The following DLGAP3 variants were observed in gnomAD, a reference collection of about 807,000 sequenced individuals.
DLGAP3 encodes the protein DLG associated protein 3.
A neutral mutation model predicts 81.2 loss-of-function variants in DLGAP3; 17 were observed. That is an observed-to-expected ratio of 0.21 (90% CI 0.14 to 0.31). The LOEUF (loss-of-function observed/expected upper bound fraction) is 0.31, where lower values mean the gene tolerates loss of function less well. Among genes scored for constraint, DLGAP3 ranks in the 10% least tolerant of loss-of-function variants. The probability of loss-of-function intolerance (pLI) is 1.00; values close to 1 mark genes in which losing one functional copy is unlikely to be tolerated. For missense variants in DLGAP3, 1,124 were observed against 1,388.0 expected (o/e 0.81, Z 3.02); for synonymous variants, 577 against 587.4 (o/e 0.98, Z 0.26).
intron 1 of DLGAP3, chr1:34,925,519 G>C (rs1639860375): frequency 6.6e-6 from 1 of 152,600 alleles, no homozygotes. Context: ...CACTGAGTGA[G>C]GGGAGGGGAG....
Position 34,895,220 on chromosome 1 carries a change from T to A in DLGAP3, c.1386+4449A>T, listed in dbSNP as rs1435544524. Among the ~76,000 whole-genome samples, 2 of 151,886 alleles carry A rather than the reference T, an allele frequency of 1.3e-5. No individual in the cohort carries two copies. The highest frequency in any genetic ancestry group is 2.9e-5 in the Non-Finnish European group (2 of 67,976). On this transcript the variant is annotated intron_variant, in intron 5 of 11. Coordinates refer to ENST00000373347, the MANE Select transcript of DLGAP3 (RefSeq NM_001080418.3). The surrounding 1 kb of genome is among the most constrained non-coding windows in gnomAD (Gnocchi z 4.5). ...GTCTGTACTAAAAATACAAAAAAATTAGCCAGGCGTGGTGGCGGGCGCCTG... is the reference window on the plus strand; with the variant it reads ...GTCTGTACTAAAAATACAAAAAAATAAGCCAGGCGTGGTGGCGGGCGCCTG...
chr1:34,885,544 G>T lies in DLGAP3; in HGVS notation c.1848C>A (p.Ile616=). 6.2e-7 allele frequency: 1 copy of T among 1,608,664 alleles called. No individual in the cohort carries two copies. Among genetic ancestry groups the T allele is most frequent in the Non-Finnish European group, 8.5e-7 (1 of 1,179,760 alleles). The change falls in exon 7 of 12, where the codon ATC becomes ATA. Residue 616 remains isoleucine, a synonymous_variant. Transcript: ENST00000373347. ...GGCTCCGCAGCTCCTCCCTGCCAGG[G>T]ATGGTCTTGATGATGAGTGTGGGGG... is the stretch of plus-strand genomic sequence containing the variant. The part of the protein sequence containing the change: ...PKPPTLIIKT[I]PGREELRSLA...
intron 6 of DLGAP3, 45 bp downstream of exon 6, chr1:34,886,027 G>A: frequency 6.5e-7 from 1 of 1,535,794 alleles, no homozygotes; most frequent in Non-Finnish European, 8.8e-7. Context: ...GACCCAGGGC[G>A]CTCTCCTGCC....
At chr1:34,910,332 C>T (rs1639619828) in intron 1 of DLGAP3, among the ~76,000 whole-genome samples, 2 of 152,242 alleles carry the variant, frequency 1.3e-5, no homozygotes, top group Admixed American at 1.3e-4. Flanking sequence ...GTCTGCACGT[C>T]TTCTCCTAAC....
At chr1:34,882,403 G>A (rs1009598401) in intron 8 of DLGAP3, among the ~76,000 whole-genome samples, 23 of 152,048 alleles carry the variant, frequency 1.5e-4, no homozygotes, top group African/African-American at 3.9e-4. Context: ...GCGTGAACCC[G>A]GGAGGCAGAG....
At position 34,904,426 on chromosome 1, in the gene DLGAP3, T is replaced by G; in HGVS notation, c.958A>C (p.Met320Leu). 6.2e-7 allele frequency: 1 copy of G among 1,614,102 alleles called. No individual in the cohort carries two copies. Among genetic ancestry groups the G allele is most frequent in the Non-Finnish European group, 8.5e-7 (1 of 1,180,022 alleles). Residue 320 changes from methionine to leucine, a missense_variant, in exon 3 of 12, where the codon ATG (methionine) becomes CTG (leucine). This residue lies in a region of DLGAP3 where 357 missense variants were observed against 408.8 expected (regional missense o/e 0.87). Transcript: ENST00000373347. The surrounding 1 kb of genome is among the most constrained non-coding windows in gnomAD (Gnocchi z 8.1). The stretch of plus-strand genomic sequence containing the variant: ...TTGACCGACTGTCCATCCAGTGACA[T>G]GGACATGCCAGTGCAGGCAAGGCAG... ...GRCLACTGMSMSLDGQSVKRS... is the reference protein window; with the variant it reads ...GRCLACTGMSLSLDGQSVKRS...
chr1:34,886,307 G>A lies in DLGAP3; in HGVS notation c.1387-22C>T, dbSNP rs1490117051. 2.6e-6 allele frequency: 4 copies of A among 1,551,890 alleles called. No individual in the cohort carries two copies. In the East Asian group the frequency reaches 7.2e-5, roughly 28 times the overall value. On this transcript the variant is annotated intron_variant, in intron 5 of 11. Coordinates refer to ENST00000373347, the MANE Select transcript of DLGAP3 (RefSeq NM_001080418.3). ...TGAGCTGGGGGGCAGGGGGTCGGGA[G>A]GACAGTTATAAGGTGCCGGGAGGGG...
intron 6 of DLGAP3, 58 bp downstream of exon 6, chr1:34,886,014 C>T: frequency 6.6e-7 from 1 of 1,511,184 alleles, no homozygotes; most frequent in African/African-American, 1.4e-5. Context: ...AGGCCAGAAC[C>T]CGGACCCAGG....
At chr1:34,878,047 G>A (rs988277931) in intron 8 of DLGAP3, among the ~76,000 whole-genome samples, 1 of 152,216 alleles carries the variant, frequency 6.6e-6, no homozygotes, top group African/African-American at 2.4e-5. Context: ...GCTCACTCCT[G>A]TAATCCCAAC....
intron 1 of DLGAP3, among the ~76,000 whole-genome samples, chr1:34,908,601 G>C (rs192978723): frequency 2.2e-4 from 34 of 152,332 alleles, no homozygotes; most frequent in Non-Finnish European, 2.6e-4. Flanking sequence ...TAGACACAGG[G>C]ATGTCAGGAA....
chr1:34,919,779 CAAAAG>C lies in DLGAP3; in HGVS notation c.-135+9667_-135+9671del, dbSNP rs57269571. Among the ~76,000 whole-genome samples the C allele has an allele frequency of 6.9e-4, 104 of 151,642 alleles. 1 individual carries two copies. Among genetic ancestry groups the C allele is most frequent in the African/African-American group, 2.0e-3 (84 of 41,062 alleles). ...TGGGTGACAGAGTGAGACCCCATCT[CAAAAG>C]AAAAGAAAAGAAAAGAACAAAAGTT... On this transcript the variant is annotated intron_variant, in intron 1 of 11. Coordinates refer to ENST00000373347, the MANE Select transcript of DLGAP3 (RefSeq NM_001080418.3).
chr1:34,885,344 A>C, intron 7 of DLGAP3, 134 bp downstream of exon 7: 1 of 1,021,196 alleles, frequency 9.8e-7, no homozygotes, highest in East Asian at 2.6e-5. Context: ...GTCGATGTCC[A>C]GGCACGGGGT....
In DLGAP3 at chr1:34,904,215, C is replaced by A; in HGVS notation, c.1107+62G>T. On this transcript the variant is annotated intron_variant, in intron 3 of 11. Transcript: ENST00000373347. The surrounding 1 kb of genome is among the most constrained non-coding windows in gnomAD (Gnocchi z 8.1). ...CTCCCACCCAACCCTTTCCACTGCTCCCTAGTTGACAAGACTGGTGAAGGC... is the reference window on the plus strand; with the variant it reads ...CTCCCACCCAACCCTTTCCACTGCTACCTAGTTGACAAGACTGGTGAAGGC... The A allele has an allele frequency of 6.3e-7, 1 of 1,591,048 alleles. No individual in the cohort carries two copies. Among genetic ancestry groups the A allele is most frequent in the Non-Finnish European group, 8.5e-7 (1 of 1,172,914 alleles).
intron 1 of DLGAP3, among the ~76,000 whole-genome samples, chr1:34,914,652 C>T (rs1041293424): frequency 3.3e-5 from 5 of 152,200 alleles, no homozygotes; most frequent in African/African-American, 9.6e-5. Flanking sequence ...GTCCCTTTCT[C>T]ATTGTGATGT....
intron 5 of DLGAP3, among the ~76,000 whole-genome samples, chr1:34,894,802 A>G (rs1469776233): frequency 6.6e-6 from 1 of 152,220 alleles, no homozygotes; most frequent in Non-Finnish European, 1.5e-5. Flanking sequence ...GTGAGTACAT[A>G]CAATCAAGAG....
At chr1:34,869,119 T>C (rs781665127) in intron 8 of DLGAP3, 30 bp from the exon 9 acceptor site, 4 of 1,519,090 alleles carry the variant, frequency 2.6e-6, no homozygotes, top group East Asian at 2.3e-5. Context: ...TCATCCCCCA[T>C]TGCCCAGGCT....
At position 34,873,354 on chromosome 1, in the gene DLGAP3, T is replaced by C. The variant is rs773220520; in HGVS notation, c.2001-4265A>G. 5.3e-5 allele frequency among the ~76,000 whole-genome samples: 8 copies of C among 152,110 alleles called. No individual in the cohort carries two copies. The highest frequency in any genetic ancestry group is 4.6e-4 in the Admixed American group (7 of 15,270). On this transcript the variant is annotated intron_variant, in intron 8 of 11. Transcript: ENST00000373347. This position sits in a 1 kb window ranked among gnomAD's most constrained non-coding sequence, Gnocchi z 4.2. ...TGGGGAGTAGGGGAAGGAATGAAAA[T>C]GAGCAGCTTTGGGTGGGGGCAGCGG...
intron 1 of DLGAP3, among the ~76,000 whole-genome samples, chr1:34,915,504 C>T (rs1331816133): frequency 1.3e-5 from 2 of 152,206 alleles, no homozygotes; most frequent in Non-Finnish European, 2.9e-5. Context: ...CATCTGGTCC[C>T]CTCTTGGTGT....
In DLGAP3 at chr1:34,866,218, G is replaced by C. The variant is rs749112086; in HGVS notation, c.2805C>G (p.Ser935=). 8.2e-6 allele frequency: 13 copies of C among 1,588,678 alleles called. No individual in the cohort carries two copies. Among genetic ancestry groups the C allele is most frequent in the Non-Finnish European group, 1.0e-5 (12 of 1,171,930 alleles). Residue 935 remains serine (S), a synonymous_variant, in exon 12 of 12, where the codon TCC becomes TCG. Transcript: ENST00000373347. The part of the protein sequence containing the change: ...GVPVKERSLD[S]VDRQRQEARK... ...GCGCTTCCTGCCGCTGCCGGTCCAC[G>C]GAGTCCAGGGAGCGCTCCTTCACCG...
Sources: gnomAD v4.1 joint callset for allele counts (sites outside exome capture counted in the v4.1 genomes callset) on GRCh38, gnomAD v4.1.1 for gene constraint, gnomAD v4.1.1 regional missense constraint, Gnocchi (gnomAD v3.1) non-coding constraint, MANE v1.5 for transcripts, NCBI Gene and HGNC (gene_info 2026-07-23, HGNC 2026-07-21) for gene names.